TPD52: variants seen among roughly 807,000 people sequenced by gnomAD.
The protein encoded by TPD52 is tumor protein D52.
In TPD52, 17 loss-of-function variants were observed where a neutral mutation model predicts 31.3. The observed-to-expected ratio is 0.54, with a 90% confidence interval of 0.37 to 0.82. TPD52 has a LOEUF of 0.82. TPD52 is among the 40% of genes least tolerant of loss of function. The pLI is 0.00. For synonymous variants in TPD52, 83 were observed against 89.6 expected, an observed-to-expected ratio of 0.93 and a Z score of 0.42; for missense variants, 212 against 240.1, an observed-to-expected ratio of 0.88 and a Z score of 0.77.
chr8:80,156,179 T>G (rs1425846091), intron 1 of TPD52, among the ~76,000 whole-genome samples: 1 of 152,108 alleles, frequency 6.6e-6, no homozygotes, highest in East Asian at 1.9e-4. Context: ...CCCGCTCACA[T>G]GAGGGGCTAC....
intron 1 of TPD52, among the ~76,000 whole-genome samples, chr8:80,087,860 C>T (rs181304847): frequency 1.1e-3 from 161 of 152,186 alleles, no homozygotes; most frequent in Non-Finnish European, 1.8e-3. Context: ...CTTCATTCCC[C>T]GACACTGTGC....
intron 5 of TPD52, 123 bp downstream of exon 5, chr8:80,050,322 T>C (rs1586157097): frequency 1.1e-6 from 1 of 915,362 alleles, no homozygotes; most frequent in East Asian, 2.9e-5. Context: ...AAAAAGATAC[T>C]CTAAACGCAA....
At chr8:80,102,352 G>A (rs1806806219) in intron 1 of TPD52, among the ~76,000 whole-genome samples, 1 of 152,164 alleles carries the variant, frequency 6.6e-6, no homozygotes, top group African/African-American at 2.4e-5. Context: ...ATCACTACAT[G>A]TCAGCTGGTT....
At chr8:80,040,184 C>CTTTTTTT (rs1563557956) in intron 7 of TPD52, among the ~76,000 whole-genome samples, 2 of 132,384 alleles carry the variant, frequency 1.5e-5, no homozygotes, top group African/African-American at 6.2e-5. Flanking sequence ...AATACGCTAT[C>CTTTTTTT]CTTTTTTTTT....
chr8:80,066,337 C>T (rs533218287), intron 1 of TPD52, among the ~76,000 whole-genome samples: 1 of 151,976 alleles, frequency 6.6e-6, no homozygotes, highest in African/African-American at 2.4e-5. Flanking sequence ...CAAAATAGTG[C>T]CTACCTGGAA....
At chr8:80,046,714 T>A (rs1399603524) in intron 5 of TPD52, among the ~76,000 whole-genome samples, 2 of 148,352 alleles carry the variant, frequency 1.3e-5, no homozygotes, top group African/African-American at 5.3e-5. Flanking sequence ...AAACTAGGAA[T>A]GCAAACATGG....
At chr8:80,075,653 T>C (rs1270690867) in intron 1 of TPD52, among the ~76,000 whole-genome samples, 1 of 152,174 alleles carries the variant, frequency 6.6e-6, no homozygotes, top group Non-Finnish European at 1.5e-5. Context: ...TCTGCTCCCC[T>C]GCCCCAAAAT....
intron 1 of TPD52, among the ~76,000 whole-genome samples, chr8:80,095,074 T>C (rs1816631035): frequency 6.6e-6 from 1 of 152,078 alleles, no homozygotes; most frequent in South Asian, 2.1e-4. Flanking sequence ...CTGTAGTGAA[T>C]GGTCATAGTG....
intron 1 of TPD52, among the ~76,000 whole-genome samples, chr8:80,091,202 G>T (rs887652426): frequency 6.6e-6 from 1 of 152,184 alleles, no homozygotes; most frequent in African/African-American, 2.4e-5. Flanking sequence ...TGGGCGCAGT[G>T]GCTCACACCT....
intron 7 of TPD52, among the ~76,000 whole-genome samples, chr8:80,038,546 G>A (rs746375293): frequency 4.6e-5 from 7 of 152,206 alleles, no homozygotes; most frequent in Non-Finnish European, 8.8e-5. Flanking sequence ...AAAGTACCTA[G>A]TGAACTGTCT....
downstream of TPD52, among the ~76,000 whole-genome samples, chr8:80,032,193 A>G (rs1380566838): frequency 1.3e-5 from 2 of 151,802 alleles, no homozygotes; most frequent in African/African-American, 4.8e-5. Flanking sequence ...AGTTTGTATC[A>G]AATGACTTCA....
At chr8:80,152,062 A>T (rs939218317) in intron 1 of TPD52, among the ~76,000 whole-genome samples, 7 of 152,202 alleles carry the variant, frequency 4.6e-5, no homozygotes, top group Non-Finnish European at 1.0e-4. Context: ...AAAATAGAAT[A>T]CTGCAACGCT....
chr8:80,060,314 T>C (rs1812380115), intron 2 of TPD52, among the ~76,000 whole-genome samples: 1 of 140,146 alleles, frequency 7.1e-6, no homozygotes, highest in African/African-American at 2.7e-5. Flanking sequence ...AATATACAAA[T>C]GACTAAACTG....
chr8:80,045,806 C>T (rs1450495408), intron 5 of TPD52, among the ~76,000 whole-genome samples: 2 of 152,208 alleles, frequency 1.3e-5, no homozygotes, highest in Non-Finnish European at 2.9e-5. Context: ...ATTTGTGCAA[C>T]ACATTCTTCT....
intron 1 of TPD52, among the ~76,000 whole-genome samples, chr8:80,147,751 G>C (rs892771795): frequency 8.6e-5 from 13 of 151,886 alleles, no homozygotes; most frequent in Admixed American, 7.2e-4. Context: ...AGGCCCTCTA[G>C]CCACTACCAT....
intron 1 of TPD52, among the ~76,000 whole-genome samples, chr8:80,139,038 G>C (rs2033067): frequency 0.49 from 73,648 of 151,306 alleles, 18,171 homozygotes; most frequent in East Asian, 0.78. Flanking sequence ...CCATGAGTCT[G>C]CCTCCCGTGA....
intron 1 of TPD52, among the ~76,000 whole-genome samples, chr8:80,164,024 CAGAGAGAG>C (rs58566558): frequency 4.5e-5 from 5 of 110,224 alleles, no homozygotes; most frequent in Middle Eastern, 4.1e-3. Context: ...GAGAGAGAGA[CAGAGAGAG>C]AGAGAGAGAG....
chr8:80,160,960 G>A (rs1457568463), intron 1 of TPD52, among the ~76,000 whole-genome samples: 2 of 151,648 alleles, frequency 1.3e-5, no homozygotes, highest in Non-Finnish European at 2.9e-5. Flanking sequence ...TACTTGGGAG[G>A]CTGAGGCACG....
intron 1 of TPD52, among the ~76,000 whole-genome samples, chr8:80,143,503 G>A (rs765604217): frequency 3.3e-5 from 5 of 152,142 alleles, no homozygotes; most frequent in African/African-American, 9.7e-5. Flanking sequence ...CACCCACAGT[G>A]AGCTAATTAT....
Sources: gnomAD v4.1 joint callset for allele counts (sites outside exome capture counted in the v4.1 genomes callset) on GRCh38, gnomAD v4.1.1 for gene constraint, MANE v1.5 for transcripts, NCBI Gene and HGNC (gene_info 2026-07-23, HGNC 2026-07-21) for gene names.